ADGRG2: variants seen among roughly 807,000 people sequenced by gnomAD.
ADGRG2 encodes the protein G protein-coupled receptor 64.
ADGRG2 carries 26 observed loss-of-function variants against 74.1 expected under a neutral mutation model. The observed-to-expected ratio is 0.35, with a 90% CI of 0.26 to 0.49. The LOEUF (loss-of-function observed/expected upper bound fraction) is 0.49, where lower values mean the gene tolerates loss of function less well. Among genes scored for constraint, ADGRG2 ranks in the 20% least tolerant of loss-of-function variants. The pLI, the probability that ADGRG2 is intolerant of heterozygous loss-of-function variation, is 0.99. For synonymous variants in ADGRG2, 296 were observed against 295.2 expected (o/e 1.00, Z -0.03); for missense variants, 619 against 763.1 (o/e 0.81, Z 2.22).
At chrX:19,035,091 A>G (rs2060910687) in intron 7 of ADGRG2, 1 of 112,310 alleles carries the variant, frequency 8.9e-6, no homozygotes, top group Non-Finnish European at 1.9e-5. Context: ...TGAATGAAAA[A>G]TAAAACCTAA....
At chrX:19,028,799 T>C (rs2060763088) in intron 9 of ADGRG2, among the ~76,000 whole-genome samples, 1 of 111,888 alleles carries the variant, frequency 8.9e-6, no homozygotes, top group Non-Finnish European at 1.9e-5. Flanking sequence ...AAACTGGCCT[T>C]GTGAGCAATG....
intron 9 of ADGRG2, among the ~76,000 whole-genome samples, chrX:19,030,351 T>C (rs1352969142): frequency 1.8e-5 from 2 of 112,165 alleles, no homozygotes; most frequent in African/African-American, 6.5e-5. Context: ...GTGAGAAAAG[T>C]GGTTGTTTCA....
intron 28 of ADGRG2, among the ~76,000 whole-genome samples, chrX:18,992,945 G>A (rs920295768): frequency 1.8e-5 from 2 of 111,806 alleles, no homozygotes; most frequent in African/African-American, 6.5e-5. Flanking sequence ...GACCCTGCTC[G>A]CTCCTTTGAT....
chrX:19,014,195 C>T (rs982849418), intron 15 of ADGRG2, 121 bp from the exon 16 acceptor site: 73 of 538,471 alleles, frequency 1.4e-4, no homozygotes, highest in Non-Finnish European at 9.9e-5. Flanking sequence ...AGGGACATGA[C>T]ACTTCCAGCC....
Position 19,073,139 on chromosome X carries a change from C to G in ADGRG2, c.-1-4304G>C, listed in dbSNP as rs143460395. 2.4e-4 allele frequency among the ~76,000 whole-genome samples: 27 copies of G among 112,067 alleles called. No individual in the cohort carries two copies. The East Asian group carries it at 5.3e-3, about 22-fold the overall frequency. ...ATGCTTCTTGCACAGCGTGCAGAAC[C>G]AGGAGCTAATTAAACCCCTTTTCTT... On this transcript the variant is annotated intron_variant, in intron 2 of 28. Coordinates refer to ENST00000379869, the MANE Select transcript of ADGRG2 (RefSeq NM_001079858.3).
intron 3 of ADGRG2, among the ~76,000 whole-genome samples, chrX:19,053,841 G>C (rs1267528134): frequency 1.8e-5 from 2 of 111,552 alleles, no homozygotes; most frequent in Non-Finnish European, 3.8e-5. Flanking sequence ...TGGTGGAAGA[G>C]GAAGGAAGAG....
intron 3 of ADGRG2, among the ~76,000 whole-genome samples, chrX:19,052,369 A>G (rs991556503): frequency 4.5e-5 from 5 of 110,996 alleles, no homozygotes; most frequent in African/African-American, 1.6e-4. Context: ...GCCAAAGAGG[A>G]GTGGTTGATC....
At position 19,028,783 on chromosome X, in the gene ADGRG2, G is replaced by A. The variant is rs763947852; in HGVS notation, c.359-545C>T. On this transcript the variant is annotated intron_variant, in intron 9 of 28. Coordinates refer to ENST00000379869, the MANE Select transcript of ADGRG2 (RefSeq NM_001079858.3). ...GCCGCAGTTGAACAAGCTTGATCTC[G>A]TGAGCAAACTGGCCTTGTGAGCAAT... Among the ~76,000 whole-genome samples, 311 of 112,051 alleles carry A rather than the reference G, an allele frequency of 2.8e-3. 1 individual carries two copies. The highest frequency in any genetic ancestry group is 9.5e-3 in the African/African-American group (294 of 30,869).
At chrX:19,029,104 A>G (rs1017343932) in intron 9 of ADGRG2, among the ~76,000 whole-genome samples, 1 of 111,777 alleles carries the variant, frequency 8.9e-6, no homozygotes, top group African/African-American at 3.3e-5. Flanking sequence ...CCCAAAGTAC[A>G]ACAACTTATT....
intron 4 of ADGRG2, among the ~76,000 whole-genome samples, chrX:19,038,383 C>G (rs761988995): frequency 8.9e-6 from 1 of 111,981 alleles, no homozygotes; most frequent in Admixed American, 9.4e-5. Flanking sequence ...GGCACTTTGG[C>G]TGGCCTGCTT....
chrX:19,111,370 GA>G (rs974602829), intron 1 of ADGRG2, among the ~76,000 whole-genome samples: 1 of 111,055 alleles, frequency 9.0e-6, no homozygotes, highest in African/African-American at 3.3e-5. Context: ...AGAGTAGGTA[GA>G]AAGAGAAGAA....
At chrX:19,043,761 A>ATTT (rs5901652) in intron 3 of ADGRG2, among the ~76,000 whole-genome samples, 2 of 100,282 alleles carry the variant, frequency 2.0e-5, no homozygotes, top group East Asian at 3.2e-4. Context: ...CCTCCCAGGC[A>ATTT]TTTTTTTTTT....
chrX:19,083,221 T>C (rs1385462906), intron 1 of ADGRG2, among the ~76,000 whole-genome samples: 1 of 102,086 alleles, frequency 9.8e-6, no homozygotes, highest in East Asian at 3.1e-4. Context: ...GGTTTCACCA[T>C]GTTGGCCAGG....
At chrX:19,020,057 T>TG (rs1187156985) in intron 14 of ADGRG2, among the ~76,000 whole-genome samples, 1 of 111,226 alleles carries the variant, frequency 9.0e-6, no homozygotes, top group Non-Finnish European at 1.9e-5. Context: ...GAGAGTGAAA[T>TG]GCTGTTTACT....
chrX:19,121,607 G>A (rs1271374251), intron 1 of ADGRG2, among the ~76,000 whole-genome samples: 1 of 111,026 alleles, frequency 9.0e-6, no homozygotes, highest in Admixed American at 9.6e-5. Flanking sequence ...GTGGTCCATG[G>A]AACAGCATCA....
chrX:19,026,110 C>T (rs1020108773), intron 11 of ADGRG2, among the ~76,000 whole-genome samples: 2 of 111,957 alleles, frequency 1.8e-5, no homozygotes, highest in Non-Finnish European at 3.8e-5. Context: ...ACTGAGTAGG[C>T]CCTAGGGATG....
intron 1 of ADGRG2, among the ~76,000 whole-genome samples, chrX:19,112,030 C>T (rs1192799486): frequency 9.1e-6 from 1 of 109,835 alleles, no homozygotes; most frequent in African/African-American, 3.3e-5. Flanking sequence ...ATAGATCATA[C>T]AAAAATCATC....
chrX:19,049,207 C>T (rs905456920), intron 3 of ADGRG2, among the ~76,000 whole-genome samples: 8 of 112,047 alleles, frequency 7.1e-5, no homozygotes, highest in South Asian at 7.5e-4. Context: ...TCACCTTCTC[C>T]GAGAGGCTGT....
intron 27 of ADGRG2, 41 bp from the exon 28 acceptor site, chrX:18,995,089 T>C (rs2059993419): frequency 7.7e-6 from 8 of 1,044,721 alleles, no homozygotes; most frequent in South Asian, 4.4e-5. Flanking sequence ...GGGCAGTATG[T>C]TGAAGCTCAA....
Sources: gnomAD v4.1 joint callset for allele counts (sites outside exome capture counted in the v4.1 genomes callset) on GRCh38, gnomAD v4.1.1 for gene constraint, MANE v1.5 for transcripts, NCBI Gene and HGNC (gene_info 2026-07-23, HGNC 2026-07-21) for gene names.